Variants in ANKRD33B observed in about 807,000 individuals in gnomAD.
ANKRD33B encodes the protein ankyrin repeat domain-containing protein 33B.
ANKRD33B carries 6 observed loss-of-function variants against 21.5 expected under a neutral mutation model. The observed-to-expected ratio is 0.28, with a 90% CI of 0.15 to 0.55. The LOEUF is 0.55. Among genes scored for constraint, ANKRD33B ranks in the 20% least tolerant of loss-of-function variants. The pLI is 0.94. For synonymous variants in ANKRD33B, 347 were observed against 342.4 expected, an observed-to-expected ratio of 1.01 and a Z score of -0.15; for missense variants, 698 against 747.2, an observed-to-expected ratio of 0.93 and a Z score of 0.77.
At chr5:10,611,564 C>T (rs916429349) in intron 1 of ANKRD33B, among the ~76,000 whole-genome samples, 2 of 152,182 alleles carry the variant, frequency 1.3e-5, no homozygotes, top group Admixed American at 6.5e-5. Context: ...GTCTGACCTG[C>T]GGTGCTGGGG....
At chr5:10,617,982 AC>A (rs919275972) in intron 1 of ANKRD33B, among the ~76,000 whole-genome samples, 2 of 151,558 alleles carry the variant, frequency 1.3e-5, no homozygotes, top group African/African-American at 4.9e-5. Context: ...CCCTGCACAC[AC>A]CTTTTTTACC....
chr5:10,582,988 G>A (rs1331553513), intron 1 of ANKRD33B, among the ~76,000 whole-genome samples: 2 of 112,386 alleles, frequency 1.8e-5, no homozygotes, highest in Non-Finnish European at 3.4e-5. Flanking sequence ...GATTGTCCCT[G>A]CTTTTTTTTT....
intron 1 of ANKRD33B, among the ~76,000 whole-genome samples, chr5:10,610,056 T>C (rs890237646): frequency 1.3e-5 from 2 of 152,206 alleles, no homozygotes; most frequent in African/African-American, 4.8e-5. Flanking sequence ...AGGTGGCCAG[T>C]CTTACTGGCA....
chr5:10,593,684 G>A (rs994881901), intron 1 of ANKRD33B, among the ~76,000 whole-genome samples: 9 of 151,748 alleles, frequency 5.9e-5, no homozygotes, highest in African/African-American at 2.2e-4. Context: ...TCCCGGGCAG[G>A]GGGGCTAACA....
At chr5:10,593,044 C>T (rs936456813) in intron 1 of ANKRD33B, among the ~76,000 whole-genome samples, 2 of 152,158 alleles carry the variant, frequency 1.3e-5, no homozygotes, top group African/African-American at 4.8e-5. Context: ...TTTCCCACCA[C>T]CCCGTATCCA....
chr5:10,581,537 C>T (rs1438345615), intron 1 of ANKRD33B, among the ~76,000 whole-genome samples: 1 of 152,190 alleles, frequency 6.6e-6, no homozygotes, highest in Non-Finnish European at 1.5e-5. Flanking sequence ...TCCTTTGTTC[C>T]ATGAGGCACT....
At position 10,655,652 on chromosome 5, in the gene ANKRD33B, CACT is replaced by C. The variant is rs1356495760; in HGVS notation, c.*5544_*5546del. ...CCCCTGTGCTGTGTCAGCTCCTGGA[CACT>C]ACTAGTCTTTCACATGATAAAGCGC... On this transcript the variant is annotated 3_prime_UTR_variant, in exon 4 of 4. Transcript: ENST00000296657. 6.6e-6 allele frequency: 1 copy of C among 152,366 alleles called. No individual in the cohort carries two copies. Among genetic ancestry groups the C allele is most frequent in the Non-Finnish European group, 1.5e-5 (1 of 68,046 alleles). The allele number at this position is 152,366 out of a possible 1,614,324, so 9.4% of individuals were successfully genotyped here. A position where few individuals can be genotyped will look rare whatever the true frequency, so the allele number is the denominator to read the frequency against.
rs1736360910 is a variant in ANKRD33B at position 10,619,336 on chromosome 5, C to T, written c.496+874C>T. 2 of 985,322 alleles carry T rather than the reference C, an allele frequency of 2.0e-6. No individual in the cohort carries two copies. Among genetic ancestry groups the T allele is most frequent in the South Asian group, 4.7e-5 (1 of 21,292 alleles). The allele number at this position is 985,322 out of a possible 1,614,324, so 61.0% of individuals were successfully genotyped here. Reference sequence around the variant, plus strand: ...ACGGTTGTCGGGTTGTTGAGAATCCCACTCAGGGCCTGGAAACTGGAGGAA... The same window carrying T: ...ACGGTTGTCGGGTTGTTGAGAATCCTACTCAGGGCCTGGAAACTGGAGGAA... On this transcript the variant is annotated intron_variant, in intron 2 of 3. Transcript: ENST00000296657. The surrounding 1 kb of genome is among the most constrained non-coding windows in gnomAD (Gnocchi z 4.5).
intron 3 of ANKRD33B, among the ~76,000 whole-genome samples, chr5:10,643,012 C>T (rs1029547096): frequency 6.6e-6 from 1 of 152,178 alleles, no homozygotes; most frequent in African/African-American, 2.4e-5. Flanking sequence ...TCAAGCAATT[C>T]TCTTGCTTCA....
intron 1 of ANKRD33B, among the ~76,000 whole-genome samples, chr5:10,606,418 T>C (rs1199051394): frequency 6.6e-6 from 1 of 152,146 alleles, no homozygotes; most frequent in East Asian, 1.9e-4. Context: ...ATCTCTTTAT[T>C]TGAAGCAGAA....
At chr5:10,620,307 A>G (rs1312054667) in intron 2 of ANKRD33B, among the ~76,000 whole-genome samples, 1 of 152,114 alleles carries the variant, frequency 6.6e-6, no homozygotes, top group East Asian at 1.9e-4. Context: ...CACCAACTGC[A>G]AAGGGCATAT....
rs1236279579 is a variant in ANKRD33B, at chr5:10,657,515, AG to A, written c.*7403del. On this transcript the variant is annotated 3_prime_UTR_variant, in exon 4 of 4. Coordinates refer to ENST00000296657, the MANE Select transcript of ANKRD33B (RefSeq NM_001164440.2). ...ACAGATATAACTGTGTAAATTTCAT[AG>A]TGTTTTATTTTGAGGTGAGAGTTTT... The A allele has an allele frequency of 2.0e-5, 3 of 152,310 alleles. No homozygotes were observed. The highest frequency in any genetic ancestry group is 7.2e-5 in the African/African-American group (3 of 41,430). The allele number at this position is 152,310 out of a possible 1,614,324, so 9.4% of individuals were successfully genotyped here. A position where few individuals can be genotyped will look rare whatever the true frequency, so the allele number is the denominator to read the frequency against.
chr5:10,587,380 T>C (rs954677029), intron 1 of ANKRD33B, among the ~76,000 whole-genome samples: 2 of 152,174 alleles, frequency 1.3e-5, no homozygotes, highest in African/African-American at 4.8e-5. Context: ...GGATTACAGA[T>C]GTGAACCACC....
chr5:10,567,247 G>A (rs1735082255), intron 1 of ANKRD33B, among the ~76,000 whole-genome samples: 1 of 152,174 alleles, frequency 6.6e-6, no homozygotes, highest in East Asian at 1.9e-4. Context: ...TGATCAAACA[G>A]CCTCTATCTT....
At chr5:10,575,252 A>G (rs1034640666) in intron 1 of ANKRD33B, among the ~76,000 whole-genome samples, 7 of 151,948 alleles carry the variant, frequency 4.6e-5, no homozygotes, top group Non-Finnish European at 1.0e-4. Flanking sequence ...GTGAAACCCC[A>G]TCTCTACTGA....
chr5:10,637,425 G>GACACACACACACACACACACACACAC (rs59222148), intron 2 of ANKRD33B, among the ~76,000 whole-genome samples: 20 of 100,388 alleles, frequency 2.0e-4, no homozygotes, highest in African/African-American at 8.3e-4. Flanking sequence ...TAGGTAGTTA[G>GACACACACACACACACACACACACAC]ACACACACAC....
In ANKRD33B at chr5:10,576,389, C is replaced by T. The variant is rs917978832; in HGVS notation, c.366+11556C>T. Among the ~76,000 whole-genome samples the T allele has an allele frequency of 2.0e-5, 3 of 152,012 alleles. No homozygotes were observed. The highest frequency in any genetic ancestry group is 4.4e-5 in the Non-Finnish European group (3 of 67,992). ...TCTACCAAATGCAGGATCTCAGGCCCCTGAGAATCTGCATTTCAAGGTCCT... is the reference window on the plus strand; with the variant it reads ...TCTACCAAATGCAGGATCTCAGGCCTCTGAGAATCTGCATTTCAAGGTCCT... On this transcript the variant is annotated intron_variant, in intron 1 of 3. Transcript: ENST00000296657. This position sits in a 1 kb window ranked among gnomAD's most constrained non-coding sequence, Gnocchi z 4.1.
chr5:10,573,215 T>A (rs1355125700), intron 1 of ANKRD33B, among the ~76,000 whole-genome samples: 1 of 152,190 alleles, frequency 6.6e-6, no homozygotes, highest in Non-Finnish European at 1.5e-5. Context: ...ACACCTGTAA[T>A]CCCAGCACTT....
rs893946123 is a variant in ANKRD33B, at chr5:10,649,934, T to A, written c.1306T>A (p.Phe436Ile). ...VRVSKAPAPT[F>I]QPERPARKGS... ...AGTCAGCAAGGCGCCCGCGCCCACC[T>A]TCCAGCCCGAGCGGCCGGCGCGGAA... Residue 436 changes from phenylalanine to isoleucine, a missense_variant, in exon 4 of 4, where the codon TTC (phenylalanine) becomes ATC (isoleucine). Phe to Ile is a conservative substitution (Grantham distance 21). Around this residue, in one of 3 missense-constraint regions of ANKRD33B, gnomAD observed 543 missense variants for 566.5 expected, o/e 0.96. Coordinates refer to ENST00000296657, the MANE Select transcript of ANKRD33B (RefSeq NM_001164440.2). The A allele has an allele frequency of 1.3e-6, 2 of 1,527,076 alleles. No individual in the cohort carries two copies. Among genetic ancestry groups the A allele is most frequent in the African/African-American group, 1.4e-5 (1 of 71,644 alleles). 94.6% of individuals were successfully genotyped at this position (1,527,076 alleles called of 1,614,324 possible). A position where few individuals can be genotyped will look rare whatever the true frequency, so the allele number is the denominator to read the frequency against.
Sources: allele counts gnomAD v4.1 joint callset (sites outside exome capture counted in the v4.1 genomes callset), GRCh38; gene constraint gnomAD v4.1.1; regional missense constraint gnomAD v4.1.1; non-coding constraint Gnocchi (gnomAD v3.1); transcripts MANE v1.5; gene names NCBI Gene and HGNC (gene_info 2026-07-23, HGNC 2026-07-21).